Variants in GRID1 observed in about 807,000 individuals in gnomAD.
GRID1 encodes the protein glutamate ionotropic receptor delta type subunit 1.
Under a neutral mutation model 98.0 loss-of-function variants are expected in GRID1, and 28 were observed. The ratio of observed to expected loss-of-function variants is 0.29; its 90% confidence interval spans 0.21 to 0.39. The LOEUF (loss-of-function observed/expected upper bound fraction) is 0.39. Among genes scored for constraint, GRID1 ranks in the 10% least tolerant of loss-of-function variants. GRID1 has a pLI of 1.00. For synonymous variants in GRID1, 553 were observed against 538.5 expected, an observed-to-expected ratio of 1.03 and a Z score of -0.37; for missense variants, 1,111 against 1,340.5, an observed-to-expected ratio of 0.83 and a Z score of 2.67.
chr10:85,923,593 C>T (rs983070230), intron 4 of GRID1, among the ~76,000 whole-genome samples: 1 of 152,116 alleles, frequency 6.6e-6, no homozygotes, highest in Non-Finnish European at 1.5e-5. Flanking sequence ...CAATGGCCTA[C>T]TGAAAGAGGC....
chr10:86,222,096 CTA>C (rs1846264130), intron 2 of GRID1, among the ~76,000 whole-genome samples: 1 of 152,188 alleles, frequency 6.6e-6, no homozygotes. Flanking sequence ...GGAAGGGCAC[CTA>C]CCACGCGGTG....
intron 8 of GRID1, among the ~76,000 whole-genome samples, chr10:85,809,729 G>A (rs1021208358): frequency 3.3e-5 from 5 of 152,312 alleles, no homozygotes; most frequent in African/African-American, 9.6e-5. Context: ...AGTGTTCAGA[G>A]ACTCAAGAGG....
At chr10:85,873,902 C>T (rs1428944715) in intron 5 of GRID1, among the ~76,000 whole-genome samples, 1 of 152,208 alleles carries the variant, frequency 6.6e-6, no homozygotes, top group African/African-American at 2.4e-5. Context: ...ATTTAATAAC[C>T]ACTGGTTGAA....
intron 2 of GRID1, among the ~76,000 whole-genome samples, chr10:86,331,947 C>T (rs935034259): frequency 6.6e-6 from 1 of 152,072 alleles, no homozygotes; most frequent in Non-Finnish European, 1.5e-5. Context: ...GCCTGAGACA[C>T]TGGCCATCCT....
chr10:85,704,979 G>A (rs1841498750), intron 12 of GRID1, among the ~76,000 whole-genome samples: 2 of 152,112 alleles, frequency 1.3e-5, no homozygotes, highest in South Asian at 4.1e-4. Flanking sequence ...AGTGTGTAGA[G>A]GGAAATTTAT....
At chr10:85,879,015 A>G (rs951400614) in intron 5 of GRID1, among the ~76,000 whole-genome samples, 2 of 151,554 alleles carry the variant, frequency 1.3e-5, no homozygotes, top group Admixed American at 6.6e-5. Flanking sequence ...AGATCAAAAG[A>G]GACAAAGAAG....
At chr10:86,177,955 C>T (rs925008026) in intron 3 of GRID1, among the ~76,000 whole-genome samples, 4 of 152,238 alleles carry the variant, frequency 2.6e-5, no homozygotes, top group African/African-American at 4.8e-5. Context: ...AGTCCACCAC[C>T]GTGAAGAACA....
rs116611303 is a variant in GRID1 at position 86,066,125 on chromosome 10, A to G, written c.726+72694T>C. Among the ~76,000 whole-genome samples the G allele has an allele frequency of 4.4e-3, 676 of 152,308 alleles. 9 individuals are homozygous for G. Among genetic ancestry groups the G allele is most frequent in the African/African-American group, 0.015 (643 of 41,560 alleles). ...GGGAAGAGCGGTATTAAGATGGTGC[A>G]ATTGCCCACACATAGCAGGAGGCTG... is the stretch of plus-strand genomic sequence containing the variant. On this transcript the variant is annotated intron_variant, in intron 4 of 15. Coordinates refer to ENST00000327946, the MANE Select transcript of GRID1 (RefSeq NM_017551.3).
chr10:85,929,422 C>T (rs926521494), intron 4 of GRID1, among the ~76,000 whole-genome samples: 5 of 152,196 alleles, frequency 3.3e-5, no homozygotes, highest in African/African-American at 9.6e-5. Context: ...AGTTCTCCAG[C>T]ATTCAGCCCA....
chr10:86,278,428 C>T (rs1201069800), intron 2 of GRID1, among the ~76,000 whole-genome samples: 2 of 36,066 alleles, frequency 5.5e-5, no homozygotes, highest in Non-Finnish European at 1.7e-4. Flanking sequence ...TAATAAATAT[C>T]AAAGCAAAAA....
intron 4 of GRID1, among the ~76,000 whole-genome samples, chr10:86,128,452 C>G (rs78813082): frequency 6.6e-6 from 1 of 152,148 alleles, no homozygotes; most frequent in African/African-American, 2.4e-5. Context: ...CCCCCAGGCT[C>G]CATGACTCGA....
chr10:86,087,057 T>C (rs1005975602), intron 4 of GRID1, among the ~76,000 whole-genome samples: 1 of 152,046 alleles, frequency 6.6e-6, no homozygotes, highest in African/African-American at 2.4e-5. Flanking sequence ...AAATTACCAA[T>C]AGTTTAGGGT....
intron 4 of GRID1, among the ~76,000 whole-genome samples, chr10:86,043,243 G>C (rs1012007966): frequency 6.6e-6 from 1 of 152,174 alleles, no homozygotes; most frequent in Non-Finnish European, 1.5e-5. Flanking sequence ...CTTTCTCCCG[G>C]AACTCTCCTC....
At chr10:85,865,809 G>A (rs1269372777) in intron 6 of GRID1, among the ~76,000 whole-genome samples, 4 of 150,476 alleles carry the variant, frequency 2.7e-5, no homozygotes. Flanking sequence ...TGGGCAGGAT[G>A]AATACATAAA....
rs763573287 is a variant in GRID1 at position 86,192,878 on chromosome 10, C to G, written c.520+13486G>C. Reference sequence around the variant, plus strand: ...TAAAGGCCCCACAGTGAGGATGCAGCCTCCCAGAGCCTGAGTCCCAGGCCT... The same window carrying G: ...TAAAGGCCCCACAGTGAGGATGCAGGCTCCCAGAGCCTGAGTCCCAGGCCT... On this transcript the variant is annotated intron_variant, in intron 3 of 15. Coordinates refer to ENST00000327946, the MANE Select transcript of GRID1 (RefSeq NM_017551.3). This position sits in a 1 kb window ranked among gnomAD's most constrained non-coding sequence, Gnocchi z 4.8. 6.6e-6 allele frequency among the ~76,000 whole-genome samples: 1 copy of G among 151,960 alleles called. No individual in the cohort carries two copies. The highest frequency in any genetic ancestry group is 1.5e-5 in the Non-Finnish European group (1 of 67,904).
intron 2 of GRID1, among the ~76,000 whole-genome samples, chr10:86,208,284 G>A (rs568686753): frequency 1.3e-5 from 2 of 152,272 alleles, no homozygotes; most frequent in South Asian, 4.2e-4. Flanking sequence ...GCAGGGGGTA[G>A]CTAAACAAGA....
chr10:86,317,026 G>T (rs1363170387), intron 2 of GRID1, among the ~76,000 whole-genome samples: 1 of 152,152 alleles, frequency 6.6e-6, no homozygotes, highest in Non-Finnish European at 1.5e-5. Flanking sequence ...TGGCAATTCT[G>T]ATCCACGTGG....
At chr10:86,184,698 T>C (rs1410599023) in intron 3 of GRID1, among the ~76,000 whole-genome samples, 2 of 152,018 alleles carry the variant, frequency 1.3e-5, no homozygotes, top group Non-Finnish European at 2.9e-5. Flanking sequence ...AGCTATAACT[T>C]TGAAAAACTA....
chr10:85,605,888 C>T (rs1733097882), intron 15 of GRID1: 1 of 152,212 alleles, frequency 6.6e-6, no homozygotes, highest in Non-Finnish European at 1.5e-5. Context: ...GGAAGACAGA[C>T]CAGCCAAAAT....
Sources: gnomAD v4.1 joint callset for allele counts (sites outside exome capture counted in the v4.1 genomes callset) on GRCh38, gnomAD v4.1.1 for gene constraint, Gnocchi (gnomAD v3.1) non-coding constraint, MANE v1.5 for transcripts, NCBI Gene and HGNC (gene_info 2026-07-23, HGNC 2026-07-21) for gene names.